The following CEP85 variants were observed in gnomAD, a reference collection of about 807,000 sequenced individuals.
CEP85 encodes centrosomal protein 85.
A neutral mutation model predicts 93.7 loss-of-function variants in CEP85; 58 were observed. The ratio of observed to expected loss-of-function variants is 0.62; its 90% CI spans 0.50 to 0.77. CEP85 has a LOEUF of 0.77. CEP85 is among the 30% of genes least tolerant of loss of function. The pLI is 0.00. For synonymous variants in CEP85, 314 were observed against 338.6 expected, an observed-to-expected ratio of 0.93 and a Z score of 0.80; for missense variants, 868 against 922.0, an observed-to-expected ratio of 0.94 and a Z score of 0.76.
At chr1:26,270,087 T>C (rs932574373) in intron 9 of CEP85, among the ~76,000 whole-genome samples, 1 of 152,140 alleles carries the variant, frequency 6.6e-6, no homozygotes, top group Admixed American at 6.5e-5. Flanking sequence ...GGAAGCGGCT[T>C]TTATATCTTT....
intron 11 of CEP85, among the ~76,000 whole-genome samples, chr1:26,273,288 A>G (rs2124612782): frequency 6.6e-6 from 1 of 152,012 alleles, no homozygotes; most frequent in Middle Eastern, 3.4e-3. Flanking sequence ...GTCTCTTTGG[A>G]CTCTAAAAGT....
At chr1:26,271,958 T>C in intron 10 of CEP85, 63 bp from the exon 11 acceptor site, 1 of 1,463,574 alleles carries the variant, frequency 6.8e-7, no homozygotes, top group Non-Finnish European at 9.5e-7. Context: ...TGCAGCCCCC[T>C]TGCCCTCTGT....
intron 3 of CEP85, among the ~76,000 whole-genome samples, chr1:26,246,948 C>G (rs1448047004): frequency 6.6e-6 from 1 of 152,190 alleles, no homozygotes; most frequent in Non-Finnish European, 1.5e-5. Flanking sequence ...GGGCCAAGGA[C>G]CGGTACCAGT....
intron 7 of CEP85, among the ~76,000 whole-genome samples, chr1:26,264,768 TGAG>T (rs1157753321): frequency 6.6e-6 from 1 of 152,094 alleles, no homozygotes; most frequent in African/African-American, 2.4e-5. Context: ...TTCTTGATGT[TGAG>T]GAGATTGGGC....
At position 26,276,721 on chromosome 1, in the gene CEP85, G is replaced by A. The variant is rs745395267; in HGVS notation, c.2089G>A (p.Gly697Ser). The change falls in exon 13 of 14, where the codon GGC becomes AGC. Residue 697 changes from glycine (G) to serine (S), a missense_variant. Transcript: ENST00000451429. ...TAGCATTGTGACCCAGAGGGCCCAGGGCCATGACCCCAATCTCTCCCTGCT... is the reference window on the plus strand; with the variant it reads ...TAGCATTGTGACCCAGAGGGCCCAGAGCCATGACCCCAATCTCTCCCTGCT... ...VCSIVTQRAQ[G>S]HDPNLSLLLG... is the part of the protein sequence containing the mutation. 1.2e-6 allele frequency: 2 copies of A among 1,613,966 alleles called. No homozygotes were observed. The highest frequency in any genetic ancestry group is 1.7e-5 in the Admixed American group (1 of 59,988).
At chr1:26,272,413 C>A in intron 11 of CEP85, 1 of 284,610 alleles carries the variant, frequency 3.5e-6, no homozygotes, top group Non-Finnish European at 6.8e-6. Context: ...TGTTGGATTC[C>A]AGATAGGAGG....
At chr1:26,252,456 C>T (rs2089633989) in intron 3 of CEP85, among the ~76,000 whole-genome samples, 1 of 152,098 alleles carries the variant, frequency 6.6e-6, no homozygotes, top group Non-Finnish European at 1.5e-5. Flanking sequence ...CGCTTGAACC[C>T]AGGAGGAGGA....
At position 26,255,843 on chromosome 1, in the gene CEP85, G is replaced by A. The variant is rs764919627; in HGVS notation, c.881G>A (p.Arg294His). 1.1e-5 allele frequency: 17 copies of A among 1,609,942 alleles called. No homozygotes were observed. Among genetic ancestry groups the A allele is most frequent in the Admixed American group, 1.0e-4 (6 of 59,788 alleles). ...STCRQQLELI[R>H]LQMEQMQLQN... ...TGTCGGCAGCAGCTGGAATTGATTC[G>A]TTTACAGATGGAGCAAATGCAGGTA... The change falls in exon 4 of 14, where the codon CGT (arginine) becomes CAT (histidine). Residue 294 changes from arginine to histidine, a missense_variant. Transcript: ENST00000451429.
rs2090077404 is a variant in CEP85 at position 26,277,953 on chromosome 1, T to A, written c.*660T>A. ...TTAACAAGAGATCCCACTCTCCAGC[T>A]GCCTTGTGTCCCTAGGGTCCTGGCC... On this transcript the variant is annotated 3_prime_UTR_variant, in exon 14 of 14. Coordinates refer to ENST00000451429, the MANE Select transcript of CEP85 (RefSeq NM_001319944.2). The A allele has an allele frequency of 6.5e-6, 1 of 152,822 alleles. No homozygotes were observed. Among genetic ancestry groups the A allele is most frequent in the Non-Finnish European group, 1.5e-5 (1 of 68,194 alleles). The allele number at this position is 152,822 out of a possible 1,614,324, so 9.5% of individuals were successfully genotyped here.
chr1:26,264,980 C>CTTT (rs766050519), intron 7 of CEP85, among the ~76,000 whole-genome samples: 21 of 92,884 alleles, frequency 2.3e-4, no homozygotes, highest in African/African-American at 2.9e-4. Context: ...CCACACCCGG[C>CTTT]TTTTTTTTTT....
At chr1:26,273,035 G>A (rs1478951317) in intron 11 of CEP85, among the ~76,000 whole-genome samples, 1 of 152,170 alleles carries the variant, frequency 6.6e-6, no homozygotes, top group Non-Finnish European at 1.5e-5. Context: ...GACTGTTGGA[G>A]AAATTCTCGT....
intron 7 of CEP85, among the ~76,000 whole-genome samples, chr1:26,267,664 A>G (rs895792278): frequency 6.6e-6 from 1 of 152,190 alleles, no homozygotes; most frequent in Non-Finnish European, 1.5e-5. Flanking sequence ...TCCTTGTGGA[A>G]TAAGAGCATG....
chr1:26,267,683 G>C (rs1570033546), intron 7 of CEP85, among the ~76,000 whole-genome samples: 1 of 152,204 alleles, frequency 6.6e-6, no homozygotes, highest in African/African-American at 2.4e-5. Context: ...TGTAAACACA[G>C]CACATTTATG....
At chr1:26,273,138 G>A (rs1367058324) in intron 11 of CEP85, among the ~76,000 whole-genome samples, 4 of 152,114 alleles carry the variant, frequency 2.6e-5, no homozygotes, top group African/African-American at 9.7e-5. Context: ...AACATCAAGC[G>A]GAATCAGTGA....
intron 6 of CEP85, among the ~76,000 whole-genome samples, chr1:26,259,132 A>G (rs977597499): frequency 6.6e-6 from 1 of 152,230 alleles, no homozygotes. Context: ...TGCCTTAAAT[A>G]AAACTAGTTA....
chr1:26,268,223 C>T (rs899980465), intron 7 of CEP85, among the ~76,000 whole-genome samples: 1 of 152,156 alleles, frequency 6.6e-6, no homozygotes, highest in Non-Finnish European at 1.5e-5. Flanking sequence ...TTTGGGAGGC[C>T]AAGGTGGGCG....
intron 1 of CEP85, 88 bp from the exon 2 acceptor site, chr1:26,239,674 G>A (rs2089389726): frequency 6.0e-6 from 5 of 837,918 alleles, no homozygotes; most frequent in Non-Finnish European, 1.0e-5. Context: ...ATTCTATATG[G>A]TTTTGACAGT....
chr1:26,246,449 A>G (rs1253033400), intron 3 of CEP85, among the ~76,000 whole-genome samples: 3 of 152,182 alleles, frequency 2.0e-5, no homozygotes, highest in Non-Finnish European at 4.4e-5. Context: ...AAAAACATAT[A>G]CTGGCCAGAT....
chr1:26,264,422 A>C (rs2089861774), intron 7 of CEP85, among the ~76,000 whole-genome samples: 1 of 152,076 alleles, frequency 6.6e-6, no homozygotes, highest in Non-Finnish European at 1.5e-5. Flanking sequence ...AATCCCAGCT[A>C]CTCGGGAGGC....
Sources: gnomAD v4.1 joint callset for allele counts (sites outside exome capture counted in the v4.1 genomes callset) on GRCh38, gnomAD v4.1.1 for gene constraint, MANE v1.5 for transcripts, NCBI Gene and HGNC (gene_info 2026-07-23, HGNC 2026-07-21) for gene names.